ARID3B: variants seen among roughly 807,000 people sequenced by gnomAD.
The protein encoded by ARID3B is AT-rich interactive domain-containing protein 3B.
ARID3B carries 10 observed loss-of-function variants against 51.9 expected under a neutral mutation model. That is an observed-to-expected ratio of 0.19 (90% CI 0.12 to 0.33). The LOEUF (loss-of-function observed/expected upper bound fraction) is 0.33, where lower values mean the gene tolerates loss of function less well. Ranked by LOEUF, ARID3B falls within the 10% of genes least tolerant of loss-of-function variation. The pLI is 1.00. For synonymous variants in ARID3B, 205 were observed against 279.5 expected (o/e 0.73, Z 2.66); for missense variants, 483 against 716.3 (o/e 0.67, Z 3.72).
intron 2 of ARID3B, among the ~76,000 whole-genome samples, chr15:74,559,127 C>G (rs1355592915): frequency 6.6e-6 from 1 of 152,166 alleles, no homozygotes; most frequent in Non-Finnish European, 1.5e-5. Context: ...ACTCCCTTCT[C>G]TTGGGGTTGA....
At chr15:74,567,593 T>C (rs1481515528) in intron 2 of ARID3B, among the ~76,000 whole-genome samples, 1 of 152,158 alleles carries the variant, frequency 6.6e-6, no homozygotes, top group Non-Finnish European at 1.5e-5. Flanking sequence ...TGTCTCATGT[T>C]GGATTCCACG....
chr15:74,584,785 C>G (rs111529214), intron 4 of ARID3B, among the ~76,000 whole-genome samples: 1 of 152,260 alleles, frequency 6.6e-6, no homozygotes, highest in African/African-American at 2.4e-5. Context: ...CTGGAAGCTC[C>G]TGATCACAGC....
chr15:74,575,334 T>G (rs894256314), intron 4 of ARID3B, among the ~76,000 whole-genome samples: 1 of 152,210 alleles, frequency 6.6e-6, no homozygotes, highest in Admixed American at 6.5e-5. Context: ...CAGTAATTGT[T>G]TACTACTATA....
intron 2 of ARID3B, among the ~76,000 whole-genome samples, chr15:74,551,544 C>T (rs994130835): frequency 2.6e-5 from 4 of 152,170 alleles, no homozygotes; most frequent in African/African-American, 9.7e-5. Context: ...CAGGGACTTG[C>T]TCCATCAGTG....
At chr15:74,575,905 T>G (rs1029725312) in intron 4 of ARID3B, among the ~76,000 whole-genome samples, 2 of 152,190 alleles carry the variant, frequency 1.3e-5, no homozygotes, top group Non-Finnish European at 2.9e-5. Context: ...AGGATTTTGT[T>G]TTTAATTTTG....
intron 2 of ARID3B, among the ~76,000 whole-genome samples, chr15:74,569,301 A>T (rs1596257243): frequency 6.6e-6 from 1 of 152,200 alleles, no homozygotes; most frequent in Admixed American, 6.5e-5. Context: ...AGGGGAGCCC[A>T]TCTCTGTCTT....
At chr15:74,579,828 C>CGTGTGTGTGTGTGTGTGTGT (rs374538596) in intron 4 of ARID3B, among the ~76,000 whole-genome samples, 3 of 137,766 alleles carry the variant, frequency 2.2e-5, no homozygotes, top group East Asian at 2.1e-4. Context: ...CACCTGTTGC[C>CGTGTGTGTGTGTGTGTGTGT]GTGTGTGTGT....
Position 74,544,179 on chromosome 15 carries a change from G to A in ARID3B, c.243G>A (p.Val81=), listed in dbSNP as rs2061605943. The change falls in exon 2 of 9, where the codon GTG becomes GTA. Residue 81 remains valine, a synonymous_variant. Transcript: ENST00000346246. Reference sequence around the variant, plus strand: ...CACCCACCGCAGCAGTGGCCCAAGTGTTTGAACGGGGCAACATGAACTCAG... The same window carrying A: ...CACCCACCGCAGCAGTGGCCCAAGTATTTGAACGGGGCAACATGAACTCAG... ...RVPPTAAVAQ[V]FERGNMNSEP... The A allele has an allele frequency of 6.2e-7, 1 of 1,613,858 alleles. No homozygotes were observed. The highest frequency in any genetic ancestry group is 1.1e-5 in the South Asian group (1 of 91,076).
intron 1 of ARID3B, 144 bp from the exon 2 acceptor site, chr15:74,543,716 C>T (rs2061602818): frequency 3.8e-6 from 2 of 524,056 alleles, no homozygotes; most frequent in East Asian, 3.0e-5. Flanking sequence ...CCACCACTCA[C>T]TCATCTTAAA....
chr15:74,542,061 G>C (rs539470724), intron 1 of ARID3B, among the ~76,000 whole-genome samples: 37 of 152,324 alleles, frequency 2.4e-4, no homozygotes, highest in African/African-American at 7.9e-4. Context: ...CTCCCCCTCT[G>C]CTGGGGACAG....
chr15:74,574,102 G>C (rs1289201473), intron 4 of ARID3B: 4 of 152,186 alleles, frequency 2.6e-5, no homozygotes, highest in African/African-American at 9.7e-5. Flanking sequence ...TCCTCACTCT[G>C]CACATCCCCA....
chr15:74,580,927 C>A (rs1000537946), intron 4 of ARID3B, among the ~76,000 whole-genome samples: 1 of 152,210 alleles, frequency 6.6e-6, no homozygotes, highest in African/African-American at 2.4e-5. Context: ...GGGTCTTCAT[C>A]TCAGGGTCAG....
chr15:74,595,596 C>T lies in ARID3B; in HGVS notation c.1520-15C>T, dbSNP rs767367769. The T allele has an allele frequency of 3.1e-6, 5 of 1,610,286 alleles. No individual in the cohort carries two copies. Among genetic ancestry groups the T allele is most frequent in the Admixed American group, 1.7e-5 (1 of 59,704 alleles). ...TCTTCCTCTGCCCACACTTGCTTCT[C>T]TTCCACCCACCAAGGTGTGCTGTTT... On this transcript the variant is annotated splice_polypyrimidine_tract_variant and intron_variant, in intron 8 of 8. Coordinates refer to ENST00000346246, the MANE Select transcript of ARID3B (RefSeq NM_006465.4).
chr15:74,546,369 C>G (rs551855278), intron 2 of ARID3B, among the ~76,000 whole-genome samples: 77 of 152,330 alleles, frequency 5.1e-4, no homozygotes, highest in Non-Finnish European at 9.0e-4. Flanking sequence ...GCTGCCCCCG[C>G]CTTGGCAGCT....
Position 74,591,287 on chromosome 15 carries a change from C to A in ARID3B, c.1018C>A (p.Pro340Thr), listed in dbSNP as rs758339906. 6.2e-7 allele frequency: 1 copy of A among 1,613,882 alleles called. No individual in the cohort carries two copies. Among genetic ancestry groups the A allele is most frequent in the Non-Finnish European group, 8.5e-7 (1 of 1,179,966 alleles). The stretch of plus-strand genomic sequence containing the variant: ...CAGCTCCTCCCTCTTTGGCTACTCA[C>A]CTGCTGCGGCTACTGCTGCTGCCGC... ...SYSSSLFGYS[P>T]AAATAAAAAG... Residue 340 changes from proline (P) to threonine (T), a missense_variant, in exon 6 of 9, where the codon CCT becomes ACT. Pro to Thr is a conservative substitution (Grantham distance 38). Transcript: ENST00000346246. The surrounding 1 kb of genome is among the most constrained non-coding windows in gnomAD (Gnocchi z 5.8).
intron 2 of ARID3B, among the ~76,000 whole-genome samples, chr15:74,560,460 G>A (rs2061675931): frequency 6.6e-6 from 1 of 151,936 alleles, no homozygotes; most frequent in Non-Finnish European, 1.5e-5. Flanking sequence ...TCTACATATT[G>A]TTCTACCACT....
chr15:74,579,575 TAAAAGAA>T (rs1253829756), intron 4 of ARID3B, among the ~76,000 whole-genome samples: 3 of 152,150 alleles, frequency 2.0e-5, no homozygotes, highest in Non-Finnish European at 4.4e-5. Context: ...GAACAAAAAA[TAAAAGAA>T]GAAAAGCCCC....
At chr15:74,544,618 T>C in intron 2 of ARID3B, 130 bp downstream of exon 2, 4 of 788,246 alleles carry the variant, frequency 5.1e-6, no homozygotes, top group Non-Finnish European at 7.8e-6. Flanking sequence ...AGCCTAGACA[T>C]GAATAGACTT....
chr15:74,541,526 A>G (rs1263199348), intron 1 of ARID3B, among the ~76,000 whole-genome samples, 196 bp downstream of exon 1: 1 of 152,200 alleles, frequency 6.6e-6, no homozygotes, highest in Non-Finnish European at 1.5e-5. Context: ...CATTTGAGAT[A>G]AAGCGTTTGA....
Sources: gnomAD v4.1 joint callset for allele counts (sites outside exome capture counted in the v4.1 genomes callset) on GRCh38, gnomAD v4.1.1 for gene constraint, Gnocchi (gnomAD v3.1) non-coding constraint, MANE v1.5 for transcripts, NCBI Gene and HGNC (gene_info 2026-07-23, HGNC 2026-07-21) for gene names.